TUSC3: variants seen among roughly 807,000 people sequenced by gnomAD.
TUSC3 encodes the protein dolichyl-diphosphooligosaccharide--protein glycosyltransferase subunit TUSC3.
In TUSC3, 45 loss-of-function variants were observed where a neutral mutation model predicts 44.8. That is an observed-to-expected ratio of 1.00 (90% CI 0.79 to 1.29). TUSC3 has a LOEUF of 1.29. TUSC3 is among the 50% of genes most tolerant of loss of function. The pLI is 0.00. For missense variants in TUSC3, 519 were observed against 437.9 expected (o/e 1.19, Z -1.65); for synonymous variants, 212 against 152.9 (o/e 1.39, Z -2.85).
At chr8:15,650,948 C>A (rs1806874914) in intron 3 of TUSC3, 134 bp downstream of exon 3, 1 of 770,840 alleles carries the variant, frequency 1.3e-6, no homozygotes. Flanking sequence ...CGAGATTGTG[C>A]CACTGCATTC....
At chr8:15,523,602 C>T (rs1028602640) in intron 2 of TUSC3, among the ~76,000 whole-genome samples, 4 of 148,068 alleles carry the variant, frequency 2.7e-5, no homozygotes, top group African/African-American at 2.5e-5. Flanking sequence ...CCAAATATTT[C>T]ACTTCCCAAA....
At chr8:15,843,621 T>TATATATATATATATACACAC in the TUSC3 span, among the ~76,000 whole-genome samples, 253 of 146,718 alleles carry the variant, frequency 1.7e-3, 2 homozygotes, top group African/African-American at 6.1e-3. Flanking sequence ...TATATATATA[T>TATATATATATATATACACAC]ACACGCACAT....
At chr8:15,632,976 C>T (rs1805882771) in intron 2 of TUSC3, among the ~76,000 whole-genome samples, 1 of 152,080 alleles carries the variant, frequency 6.6e-6, no homozygotes, top group South Asian at 2.1e-4. Flanking sequence ...CCTGGTTCCT[C>T]TTCGTAGGAA....
chr8:15,648,134 T>C (rs1317754088), intron 2 of TUSC3, among the ~76,000 whole-genome samples: 3 of 152,232 alleles, frequency 2.0e-5, no homozygotes, highest in African/African-American at 7.2e-5. Flanking sequence ...TACTGGACTC[T>C]AGGTCCTTCT....
the TUSC3 span, among the ~76,000 whole-genome samples, chr8:15,777,498 A>G: frequency 6.6e-6 from 1 of 152,122 alleles, no homozygotes; most frequent in Non-Finnish European, 1.5e-5. Flanking sequence ...TATAATTCAA[A>G]TTTTCACTGT....
chr8:15,847,350 T>G, the TUSC3 span, among the ~76,000 whole-genome samples: 1 of 152,212 alleles, frequency 6.6e-6, no homozygotes, highest in Non-Finnish European at 1.5e-5. Context: ...ACACGGTACA[T>G]GATTCCTCTC....
chr8:15,617,435 G>T (rs1308464259), intron 1 of TUSC3, among the ~76,000 whole-genome samples: 1 of 152,016 alleles, frequency 6.6e-6, no homozygotes, highest in Non-Finnish European at 1.5e-5. Context: ...ACCGCGCCTG[G>T]CCTGTATTCC....
intron 1 of TUSC3, among the ~76,000 whole-genome samples, chr8:15,576,476 C>A (rs1204379681): frequency 3.3e-5 from 4 of 121,310 alleles, no homozygotes; most frequent in Non-Finnish European, 6.7e-5. Flanking sequence ...CCCACCCCAC[C>A]ACAGTCCCCA....
At chr8:15,578,991 A>G (rs1316042437) in intron 1 of TUSC3, among the ~76,000 whole-genome samples, 5 of 151,994 alleles carry the variant, frequency 3.3e-5, no homozygotes, top group Non-Finnish European at 5.9e-5. Context: ...CCACAATTTC[A>G]GCTCCTGTTA....
At chr8:15,851,514 C>T in the TUSC3 span, among the ~76,000 whole-genome samples, 4 of 152,136 alleles carry the variant, frequency 2.6e-5, no homozygotes, top group Non-Finnish European at 4.4e-5. Flanking sequence ...CTGTTATTCT[C>T]ATTTTACAGA....
At chr8:15,555,312 A>C (rs1283026009) in intron 1 of TUSC3, among the ~76,000 whole-genome samples, 2 of 14,476 alleles carry the variant, frequency 1.4e-4, no homozygotes, top group African/African-American at 5.3e-4. Context: ...TTTTTTTTTT[A>C]AAGACATGGT....
At chr8:15,781,821 C>T in the TUSC3 span, among the ~76,000 whole-genome samples, 1 of 152,082 alleles carries the variant, frequency 6.6e-6, no homozygotes, top group Non-Finnish European at 1.5e-5. Context: ...ATACCAAAGC[C>T]AAACAAAGCT....
intron 2 of TUSC3, among the ~76,000 whole-genome samples, chr8:15,533,824 T>C (rs1044314298): frequency 2.0e-5 from 3 of 151,954 alleles, no homozygotes; most frequent in Non-Finnish European, 1.5e-5. Flanking sequence ...AGATGGGAGG[T>C]TATCTTGGGG....
chr8:15,581,890 G>A (rs1393101948), intron 1 of TUSC3, among the ~76,000 whole-genome samples: 2 of 139,848 alleles, frequency 1.4e-5, no homozygotes, highest in Non-Finnish European at 1.5e-5. Context: ...GGGCAATGGC[G>A]GGCGCCCCTC....
intron 2 of TUSC3, among the ~76,000 whole-genome samples, chr8:15,503,631 G>C (rs1289952281): frequency 6.6e-6 from 1 of 152,070 alleles, no homozygotes; most frequent in African/African-American, 2.4e-5. Flanking sequence ...TTGAGCCCAG[G>C]AATTCGAGGT....
chr8:15,603,541 A>G (rs1259035939), intron 1 of TUSC3, among the ~76,000 whole-genome samples: 1 of 151,688 alleles, frequency 6.6e-6, no homozygotes, highest in Non-Finnish European at 1.5e-5. Context: ...TTTTTTAAGT[A>G]CAATATATAG....
At chr8:15,529,945 C>CCACCACCG (rs1178857652) in intron 2 of TUSC3, among the ~76,000 whole-genome samples, 219 of 32,490 alleles carry the variant, frequency 6.7e-3, no homozygotes, top group South Asian at 0.015. Flanking sequence ...CTACAGGCGC[C>CCACCACCG]CGGCTAATTT....
chr8:15,790,068 A>G, the TUSC3 span, among the ~76,000 whole-genome samples: 6 of 151,928 alleles, frequency 3.9e-5, no homozygotes, highest in African/African-American at 1.4e-4. Flanking sequence ...CTCACTTTTA[A>G]TTATTTGCAA....
the TUSC3 span, among the ~76,000 whole-genome samples, chr8:15,844,579 A>G: frequency 2.0e-5 from 3 of 152,158 alleles, no homozygotes; most frequent in Admixed American, 2.0e-4. Context: ...TTTTCCTGCC[A>G]TTGGTGTTGC....
Sources: gnomAD v4.1 joint callset for allele counts (sites outside exome capture counted in the v4.1 genomes callset) on GRCh38, gnomAD v4.1.1 for gene constraint, MANE v1.5 for transcripts, NCBI Gene and HGNC (gene_info 2026-07-23, HGNC 2026-07-21) for gene names.